ALPK3: variants seen among roughly 807,000 people sequenced by gnomAD.
ALPK3 encodes alpha kinase 3.
In ALPK3, 102 loss-of-function variants were observed where a neutral mutation model predicts 140.0. The observed-to-expected ratio is 0.73, with a 90% CI of 0.62 to 0.86. The LOEUF is 0.86. ALPK3 is among the 40% of genes least tolerant of loss of function. ALPK3 has a pLI of 0.00. For missense variants in ALPK3, 2,254 were observed against 2,208.2 expected, an observed-to-expected ratio of 1.02 and a Z score of -0.42; for synonymous variants, 938 against 898.5, an observed-to-expected ratio of 1.04 and a Z score of -0.79.
Position 84,857,985 on chromosome 15 carries a change from C to T in ALPK3, c.3247C>T (p.Leu1083=), listed in dbSNP as rs1464746410. 6.2e-7 allele frequency: 1 copy of T among 1,602,538 alleles called. No homozygotes were observed. Among genetic ancestry groups the T allele is most frequent in the Admixed American group, 1.7e-5 (1 of 58,180 alleles). ...TGTGGTAGACGAGGAGGACCCTGGG[C>T]TGGCCTCAGAAGGAGCCAGTGAGGG... ...AIVVDEEDPG[L]ASEGASEGEG... The change falls in exon 6 of 14, where the codon CTG becomes TTG. Residue 1083 remains leucine (L), a synonymous_variant. Transcript: ENST00000258888.
intron 1 of ALPK3, among the ~76,000 whole-genome samples, chr15:84,818,105 C>A (rs1488573526): frequency 6.6e-6 from 1 of 151,990 alleles, no homozygotes; most frequent in Non-Finnish European, 1.5e-5. Flanking sequence ...CTCTACTGGG[C>A]CGAGGACTTG....
chr15:84,856,875 G>C lies in ALPK3; in HGVS notation c.2137G>C (p.Glu713Gln). 2 of 1,614,108 alleles carry C rather than the reference G, an allele frequency of 1.2e-6. No homozygotes were observed. Among genetic ancestry groups the C allele is most frequent in the Admixed American group, 1.7e-5 (1 of 60,016 alleles). The stretch of plus-strand genomic sequence containing the variant: ...GCAGGGAGAGAAGGGGACGCAGTCA[G>C]AGGGGAGCGCGCCCACAGCCATGGA... ...GMQGEKGTQSEGSAPTAMEGQ... is the reference protein window; with the variant it reads ...GMQGEKGTQSQGSAPTAMEGQ... Residue 713 changes from glutamate to glutamine, a missense_variant, in exon 6 of 14, where the codon GAG becomes CAG. Glu to Gln is a conservative substitution (Grantham distance 29, BLOSUM62 2). Transcript: ENST00000258888.
chr15:84,862,023 G>C (rs183889173), intron 9 of ALPK3, among the ~76,000 whole-genome samples: 2 of 151,824 alleles, frequency 1.3e-5, no homozygotes, highest in African/African-American at 2.4e-5. Flanking sequence ...GCTTTTGCTA[G>C]CTCTCTTGCT....
chr15:84,852,629 A>T (rs756565425), intron 5 of ALPK3: 4 of 240,242 alleles, frequency 1.7e-5, no homozygotes, highest in Non-Finnish European at 3.4e-5. Flanking sequence ...AAATTTATCA[A>T]TTGTTTATTT....
Position 84,857,024 on chromosome 15 carries a change from G to C in ALPK3, c.2286G>C (p.Gly762=). ...AATGTTTTGTACAGACCCCAGAAGG[G>C]TCTTGTTTCCCAAAAAAACCTGGTT... is the stretch of plus-strand genomic sequence containing the variant. The part of the protein sequence containing the change: ...NIECFVQTPE[G]SCFPKKPGCL... Residue 762 remains glycine (G), a synonymous_variant, in exon 6 of 14, where the codon GGG becomes GGC. Coordinates refer to ENST00000258888, the MANE Select transcript of ALPK3 (RefSeq NM_020778.5). 6.2e-7 allele frequency: 1 copy of C among 1,614,142 alleles called. No individual in the cohort carries two copies. Among genetic ancestry groups the C allele is most frequent in the South Asian group, 1.1e-5 (1 of 91,076 alleles).
In ALPK3 at chr15:84,839,069, G is replaced by A. The variant is rs756012058; in HGVS notation, c.394G>A (p.Gly132Ser). The change falls in exon 4 of 14, where the codon GGC (glycine) becomes AGC (serine). Residue 132 changes from glycine (G) to serine (S), a missense_variant. By Grantham distance (56) the Gly-to-Ser change is moderately conservative. Transcript: ENST00000258888. Reference protein sequence around the residue: ...GLPKYEITHQGNRHTLQLYRC... With the variant: ...GLPKYEITHQSNRHTLQLYRC... ...GCCAAAATATGAGATCACTCATCAG[G>A]GCAACCGCCACACACTGCAGCTGTA... The A allele has an allele frequency of 6.2e-7, 1 of 1,609,092 alleles. No individual in the cohort carries two copies. The highest frequency in any genetic ancestry group is 8.5e-7 in the Non-Finnish European group (1 of 1,177,420).
At chr15:84,859,943 G>T (rs767385314) in intron 8 of ALPK3, 40 bp downstream of exon 8, 1 of 1,613,844 alleles carries the variant, frequency 6.2e-7, no homozygotes, top group South Asian at 1.1e-5. Flanking sequence ...GCCTGGCCTG[G>T]CTCCTGGTGG....
intron 1 of ALPK3, among the ~76,000 whole-genome samples, chr15:84,820,489 T>G (rs1001365952): frequency 2.0e-5 from 3 of 149,364 alleles, no homozygotes; most frequent in Non-Finnish European, 4.5e-5. Context: ...TTTTAGTGTG[T>G]TTTTTTTTTG....
chr15:84,859,480 T>C, intron 7 of ALPK3, 90 bp downstream of exon 7: 2 of 1,483,862 alleles, frequency 1.3e-6, no homozygotes, highest in South Asian at 2.7e-5. Context: ...ACCTATCGCC[T>C]CATTAATCCT....
intron 12 of ALPK3, among the ~76,000 whole-genome samples, 174 bp downstream of exon 12, chr15:84,864,839 C>A (rs1963986359): frequency 6.6e-6 from 1 of 152,206 alleles, no homozygotes; most frequent in African/African-American, 2.4e-5. Flanking sequence ...TTGCTCGCAA[C>A]CCTAATACAT....
chr15:84,830,217 T>C (rs1194967068), intron 3 of ALPK3, among the ~76,000 whole-genome samples: 2 of 152,218 alleles, frequency 1.3e-5, no homozygotes, highest in African/African-American at 4.8e-5. Flanking sequence ...TGGCAGTTAC[T>C]TTCCTTGGAG....
In ALPK3 at chr15:84,862,899, A is replaced by T; in HGVS notation, c.4394A>T (p.Tyr1465Phe). 6.2e-7 allele frequency: 1 copy of T among 1,613,806 alleles called. No homozygotes were observed. ...SSETSLVGRN[Y>F]DVTIQGCKIQ... ...GAGACTTCTCTTGTGGGCAGAAACT[A>T]CGACGTCACCATCCAGGTACTATGT... The change falls in exon 10 of 14, where the codon TAC becomes TTC. Residue 1465 changes from tyrosine to phenylalanine, a missense_variant. By Grantham distance (22) the Tyr-to-Phe change is conservative. Coordinates refer to ENST00000258888, the MANE Select transcript of ALPK3 (RefSeq NM_020778.5).
chr15:84,845,589 A>C (rs1192263036), intron 5 of ALPK3, among the ~76,000 whole-genome samples: 1 of 152,224 alleles, frequency 6.6e-6, no homozygotes, highest in Non-Finnish European at 1.5e-5. Context: ...ACTCTTTATA[A>C]ATTTCTGGGC....
intron 1 of ALPK3, among the ~76,000 whole-genome samples, chr15:84,818,362 T>C (rs1283712167): frequency 6.6e-6 from 1 of 152,080 alleles, no homozygotes; most frequent in African/African-American, 2.4e-5. Context: ...ACAAAGACAA[T>C]AGACAGGCAT....
intron 5 of ALPK3, among the ~76,000 whole-genome samples, chr15:84,847,249 G>GAGAGAGAGAGAGAGAGAGAGAGA (rs1467777064): frequency 3.4e-5 from 4 of 117,982 alleles, no homozygotes; most frequent in East Asian, 2.6e-4. Context: ...GAGAGAGAGA[G>GAGAGAGAGAGAGAGAGAGAGAGA]GAATCAGAAA....
chr15:84,853,838 G>A (rs1348243193), intron 5 of ALPK3, among the ~76,000 whole-genome samples: 2 of 151,572 alleles, frequency 1.3e-5, no homozygotes, highest in African/African-American at 2.4e-5. Context: ...TTCCCACATC[G>A]ATAACATTCA....
chr15:84,825,577 C>G (rs987752148), intron 2 of ALPK3, among the ~76,000 whole-genome samples: 11 of 152,326 alleles, frequency 7.2e-5, no homozygotes, highest in African/African-American at 2.6e-4. Flanking sequence ...TTTCCTTAGA[C>G]TTGTCCAGGC....
Position 84,856,659 on chromosome 15 carries a change from G to T in ALPK3, c.1921G>T (p.Val641Leu), listed in dbSNP as rs1309761473. The change falls in exon 6 of 14, where the codon GTG (valine) becomes TTG (leucine). Residue 641 changes from valine (V) to leucine (L), a missense_variant. By Grantham distance (32) the Val-to-Leu change is conservative (BLOSUM62 1). This residue lies in a region of ALPK3 where 2,088 missense variants were observed against 2,022.9 expected (regional missense o/e 1.03). Transcript: ENST00000258888. ...GACACGTGCAGATAGGAAGACGCAGGTGGATGCTGGGACACAAGAAAGCAA... is the reference window on the plus strand; with the variant it reads ...GACACGTGCAGATAGGAAGACGCAGTTGGATGCTGGGACACAAGAAAGCAA... ...QRTRADRKTQ[V>L]DAGTQESKRP... 6.2e-7 allele frequency: 1 copy of T among 1,614,104 alleles called. No homozygotes were observed. The highest frequency in any genetic ancestry group is 2.2e-5 in the East Asian group (1 of 44,884).
intron 5 of ALPK3, among the ~76,000 whole-genome samples, chr15:84,841,295 G>T (rs1186914740): frequency 6.6e-6 from 1 of 152,216 alleles, no homozygotes; most frequent in Non-Finnish European, 1.5e-5. Flanking sequence ...GGGGGAGACG[G>T]AGGAGCAGGT....
Sources: gnomAD v4.1 joint callset for allele counts (sites outside exome capture counted in the v4.1 genomes callset) on GRCh38, gnomAD v4.1.1 for gene constraint, gnomAD v4.1.1 regional missense constraint, MANE v1.5 for transcripts, NCBI Gene and HGNC (gene_info 2026-07-23, HGNC 2026-07-21) for gene names.